The following TRIP11 variants were observed in gnomAD, a reference collection of about 807,000 sequenced individuals.
TRIP11 encodes thyroid hormone receptor interactor 11.
Under a neutral mutation model 223.1 loss-of-function variants are expected in TRIP11, and 148 were observed. The observed-to-expected ratio is 0.66, with a 90% CI of 0.58 to 0.76. The LOEUF (loss-of-function observed/expected upper bound fraction) is 0.76. TRIP11 is among the 30% of genes least tolerant of loss of function. The probability of loss-of-function intolerance (pLI) is 0.00; values close to 1 mark genes in which losing one functional copy is unlikely to be tolerated. For missense variants in TRIP11, 2,043 were observed against 2,222.0 expected (o/e 0.92, Z 1.62); for synonymous variants, 762 against 772.6 (o/e 0.99, Z 0.23).
rs1375852674 is a variant in TRIP11 at position 92,035,159 on chromosome 14, A to G, written c.140-1906T>C. On this transcript the variant is annotated intron_variant, in intron 1 of 20. Coordinates refer to ENST00000267622, the MANE Select transcript of TRIP11 (RefSeq NM_004239.4). Reference sequence around the variant, plus strand: ...ATCTCTACTAAAAATACAAAAAAAAAAAAACTGGCCAGTCATGGTGGTAGG... The same window carrying G: ...ATCTCTACTAAAAATACAAAAAAAAGAAAACTGGCCAGTCATGGTGGTAGG... 2.0e-5 allele frequency among the ~76,000 whole-genome samples: 3 copies of G among 151,496 alleles called. No homozygotes were observed. In the East Asian group the frequency reaches 5.8e-4, roughly 30 times the overall value.
In TRIP11 at chr14:92,005,063, TG is replaced by T. The variant is rs1364237807; in HGVS notation, c.2912del (p.Thr971LysfsTer34). The T allele has an allele frequency of 6.2e-7, 1 of 1,613,926 alleles. No individual in the cohort carries two copies. Among genetic ancestry groups the T allele is most frequent in the Non-Finnish European group, 8.5e-7 (1 of 1,180,054 alleles). ...KDEEIKSLQK[T>X]IEQIKTQLHE... ...GCAACTGGGTTTTGATTTGTTCAATTGTTTTTTGCAAACTCTTAATTTCCTC... is the reference window on the plus strand; with the variant it reads ...GCAACTGGGTTTTGATTTGTTCAATTTTTTTTGCAAACTCTTAATTTCCTC... On this transcript the variant is annotated frameshift_variant, in exon 11 of 21. Coordinates refer to ENST00000267622, the MANE Select transcript of TRIP11 (RefSeq NM_004239.4). LOFTEE classifies it high-confidence loss of function.
rs778482179 is a variant in TRIP11, at chr14:91,999,445, A to T, written c.4699-12T>A. ...CGTAAACGTTGAACCTAGGTAGAGG[A>T]CATTATTTTTCTTTTACAAAATGCT... On this transcript the variant is annotated splice_polypyrimidine_tract_variant and intron_variant, in intron 12 of 20. Transcript: ENST00000267622. The T allele has an allele frequency of 6.2e-7, 1 of 1,613,224 alleles. No homozygotes were observed. Among genetic ancestry groups the T allele is most frequent in the East Asian group, 2.2e-5 (1 of 44,802 alleles).
chr14:92,002,885 C>T (rs2056844992), intron 11 of TRIP11, among the ~76,000 whole-genome samples: 1 of 152,052 alleles, frequency 6.6e-6, no homozygotes, highest in South Asian at 2.1e-4. Flanking sequence ...CCAGCCAGCA[C>T]ATTCTTTTTC....
chr14:91,971,303 C>T (rs557737441), intron 20 of TRIP11, among the ~76,000 whole-genome samples: 2 of 152,282 alleles, frequency 1.3e-5, no homozygotes, highest in South Asian at 4.1e-4. Context: ...GGTTCCCAAG[C>T]CGTACTTTCC....
At chr14:91,980,990 T>TTATATATATATA (rs200939525) in intron 16 of TRIP11, among the ~76,000 whole-genome samples, 2 of 75,384 alleles carry the variant, frequency 2.7e-5, no homozygotes, top group African/African-American at 1.0e-4. Flanking sequence ...TATATGTATA[T>TTATATATATATA]TATATATATA....
chr14:92,014,103 T>C (rs1268865093), intron 7 of TRIP11, 112 bp downstream of exon 7: 1 of 1,442,068 alleles, frequency 6.9e-7, no homozygotes, highest in East Asian at 2.4e-5. Flanking sequence ...ACACAGTCAT[T>C]TCCAGGAATA....
intron 15 of TRIP11, among the ~76,000 whole-genome samples, chr14:91,991,551 T>G (rs2056672407): frequency 6.6e-6 from 1 of 152,134 alleles, no homozygotes; most frequent in Non-Finnish European, 1.5e-5. Context: ...AAACAATTAA[T>G]CATCTAATAA....
chr14:92,007,278 C>T (rs1401344149), intron 10 of TRIP11, among the ~76,000 whole-genome samples: 2 of 152,144 alleles, frequency 1.3e-5, no homozygotes, highest in Non-Finnish European at 2.9e-5. Context: ...CCCGTCTCTG[C>T]CTCCCAAAGT....
At chr14:92,017,104 A>G (rs1457352768) in intron 5 of TRIP11, among the ~76,000 whole-genome samples, 1 of 152,194 alleles carries the variant, frequency 6.6e-6, no homozygotes, top group Non-Finnish European at 1.5e-5. Flanking sequence ...ATTAGGTTTT[A>G]ATAAAGACGG....
At chr14:92,033,105 A>ATCT in intron 2 of TRIP11, 87 bp downstream of exon 2, 1 of 1,037,704 alleles carries the variant, frequency 9.6e-7, no homozygotes, top group Non-Finnish European at 1.5e-6. Flanking sequence ...TAAGCAGTAC[A>ATCT]TTTAAAAAGA....
At position 91,972,847 on chromosome 14, in the gene TRIP11, A is replaced by T. The variant is rs1320338554; in HGVS notation, c.5589T>A (p.Leu1863=). Reference sequence around the variant, plus strand: ...ATTCTGTTTCTAGAAATTTAACAAAAAGTTCTGAAAAAGACTAAGAAAAAA... The same window carrying T: ...ATTCTGTTTCTAGAAATTTAACAAATAGTTCTGAAAAAGACTAAGAAAAAA... ...QSVVNSSFSE[L]FVKFLETESH... The change falls in exon 20 of 21, where the codon CTT becomes CTA. Residue 1863 remains leucine (L), a synonymous_variant. Coordinates refer to ENST00000267622, the MANE Select transcript of TRIP11 (RefSeq NM_004239.4). 6.2e-7 allele frequency: 1 copy of T among 1,612,138 alleles called. No homozygotes were observed.
rs1459399635 is a variant in TRIP11 at position 91,968,251 on chromosome 14, G to C, written c.*1422C>G. The C allele has an allele frequency of 4.9e-6, 1 of 203,366 alleles. No homozygotes were observed. The highest frequency in any genetic ancestry group is 6.0e-5 in the Admixed American group (1 of 16,742). The allele number at this position is 203,366 out of a possible 1,614,324, so 12.6% of individuals were successfully genotyped here. A position where few individuals can be genotyped will look rare whatever the true frequency, so the allele number is the denominator to read the frequency against. Reference sequence around the variant, plus strand: ...AAGCATATAGAAATTTACAAAATTTGCAAGAAATATCTTTTTAAATGTACA... The same window carrying C: ...AAGCATATAGAAATTTACAAAATTTCCAAGAAATATCTTTTTAAATGTACA... On this transcript the variant is annotated 3_prime_UTR_variant, in exon 21 of 21. Transcript: ENST00000267622.
intron 1 of TRIP11, 152 bp downstream of exon 1, chr14:92,039,395 T>G: frequency 1.3e-6 from 1 of 772,570 alleles, no homozygotes; most frequent in South Asian, 1.8e-5. Context: ...GAAAATCTGT[T>G]GAGAAGAGGC....
Position 92,037,138 on chromosome 14 carries a change from T to A in TRIP11, c.139+2409A>T, listed in dbSNP as rs1243392689. On this transcript the variant is annotated intron_variant, in intron 1 of 20. Coordinates refer to ENST00000267622, the MANE Select transcript of TRIP11 (RefSeq NM_004239.4). The surrounding 1 kb of genome is among the most constrained non-coding windows in gnomAD (Gnocchi z 4.2). ...ATTAAGCAACTTTGCAGATTTCTAA[T>A]CACGCACTTGTGCCATTTTTATTGA... is the stretch of plus-strand genomic sequence containing the variant. 6.6e-6 allele frequency among the ~76,000 whole-genome samples: 1 copy of A among 152,352 alleles called. No individual in the cohort carries two copies. Among genetic ancestry groups the A allele is most frequent in the Middle Eastern group, 3.4e-3 (1 of 294 alleles).
rs981749874 is a variant in TRIP11, at chr14:92,004,909, T to C, written c.3067A>G (p.Lys1023Glu). 2.5e-6 allele frequency: 4 copies of C among 1,613,798 alleles called. No homozygotes were observed. The highest frequency in any genetic ancestry group is 3.4e-6 in the Non-Finnish European group (4 of 1,180,002). ...TCCAGTTCTCGCTCTTTTATTCCTT[T>C]CACTAATCTTTCCGTTTCAGCTTTA... ...LSKAETERLV[K>E]GIKERELEIK... The change falls in exon 11 of 21, where the codon AAA becomes GAA. Residue 1023 changes from lysine to glutamate, a missense_variant. Physicochemically the swap from Lys to Glu is moderately conservative, Grantham distance 56 (BLOSUM62 1). Coordinates refer to ENST00000267622, the MANE Select transcript of TRIP11 (RefSeq NM_004239.4).
chr14:92,003,640 T>C lies in TRIP11; in HGVS notation c.4336A>G (p.Asn1446Asp). ...AGAATTAATATTCTCTCCTTCAGGT[T>C]TGTTACTGCCTGCCTCAAAAGTTCG... ...ENELLRQAVT[N>D]LKERILILEM... The change falls in exon 11 of 21, where the codon AAC (asparagine) becomes GAC (aspartate). Residue 1446 changes from asparagine to aspartate, a missense_variant. Physicochemically the swap from Asn to Asp is conservative, Grantham distance 23. Transcript: ENST00000267622. 1 of 1,614,202 alleles carries C rather than the reference T, an allele frequency of 6.2e-7. No homozygotes were observed. The highest frequency in any genetic ancestry group is 8.5e-7 in the Non-Finnish European group (1 of 1,180,028).
Position 91,999,439 on chromosome 14 carries a change from T to A in TRIP11, c.4699-6A>T. ...TTGTCACGTAAACGTTGAACCTAGG[T>A]AGAGGACATTATTTTTCTTTTACAA... On this transcript the variant is annotated splice_polypyrimidine_tract_variant and splice_region_variant and intron_variant, in intron 12 of 20. Coordinates refer to ENST00000267622, the MANE Select transcript of TRIP11 (RefSeq NM_004239.4). 6.2e-7 allele frequency: 1 copy of A among 1,613,384 alleles called. No individual in the cohort carries two copies. Among genetic ancestry groups the A allele is most frequent in the Non-Finnish European group, 8.5e-7 (1 of 1,179,732 alleles).
At chr14:91,994,224 T>C (rs2056718323) in intron 14 of TRIP11, among the ~76,000 whole-genome samples, 1 of 151,520 alleles carries the variant, frequency 6.6e-6, no homozygotes, top group Non-Finnish European at 1.5e-5. Flanking sequence ...CCCACTCTAA[T>C]AATTACATTA....
intron 2 of TRIP11, among the ~76,000 whole-genome samples, chr14:92,027,683 C>A (rs1013122325): frequency 6.6e-6 from 1 of 152,184 alleles, no homozygotes; most frequent in African/African-American, 2.4e-5. Flanking sequence ...AATATACCCA[C>A]AAACACGGTT....
Sources: allele counts gnomAD v4.1 joint callset (sites outside exome capture counted in the v4.1 genomes callset), GRCh38; gene constraint gnomAD v4.1.1; non-coding constraint Gnocchi (gnomAD v3.1); transcripts MANE v1.5; gene names NCBI Gene and HGNC (gene_info 2026-07-23, HGNC 2026-07-21).